The following PKD1L1 variants were observed in gnomAD, a reference collection of about 807,000 sequenced individuals.
PKD1L1 encodes polycystin 1 like 1, transient receptor potential channel interacting.
A neutral mutation model predicts 323.4 loss-of-function variants in PKD1L1; 236 were observed. The ratio of observed to expected loss-of-function variants is 0.73; its 90% CI spans 0.66 to 0.81. PKD1L1 has a LOEUF of 0.81. PKD1L1 is among the 40% of genes least tolerant of loss of function. The probability of loss-of-function intolerance (pLI) is 0.00; values close to 1 mark genes in which losing one functional copy is unlikely to be tolerated. For missense variants in PKD1L1, 3,320 were observed against 3,508.0 expected, an observed-to-expected ratio of 0.95 and a Z score of 1.35; for synonymous variants, 1,344 against 1,335.0, an observed-to-expected ratio of 1.01 and a Z score of -0.15.
the PKD1L1 span, among the ~76,000 whole-genome samples, chr7:47,958,998 T>A: frequency 6.6e-6 from 1 of 152,248 alleles, no homozygotes; most frequent in African/African-American, 2.4e-5. Flanking sequence ...GTTTTCGTAT[T>A]TTTTTGGTGG....
chr7:47,924,503 G>A (rs1787619982), intron 7 of PKD1L1, among the ~76,000 whole-genome samples: 2 of 152,158 alleles, frequency 1.3e-5, no homozygotes, highest in African/African-American at 2.4e-5. Flanking sequence ...CCTCAGTTAC[G>A]TGACTCTGGG....
chr7:47,944,331 T>C (rs927838039), intron 1 of PKD1L1, among the ~76,000 whole-genome samples: 3 of 152,318 alleles, frequency 2.0e-5, no homozygotes, highest in Admixed American at 2.0e-4. Context: ...TCCACCATGA[T>C]TGTAAGCTTC....
chr7:47,854,099 A>G (rs929037460), intron 30 of PKD1L1, among the ~76,000 whole-genome samples: 3 of 152,202 alleles, frequency 2.0e-5, no homozygotes, highest in Non-Finnish European at 4.4e-5. Flanking sequence ...CCACTTTTAG[A>G]CATCGAATGC....
chr7:47,814,024 G>T lies in PKD1L1; in HGVS notation c.7090-10C>A. 1 of 1,611,084 alleles carries T rather than the reference G, an allele frequency of 6.2e-7. No individual in the cohort carries two copies. Among genetic ancestry groups the T allele is most frequent in the Non-Finnish European group, 8.5e-7 (1 of 1,178,338 alleles). On this transcript the variant is annotated splice_polypyrimidine_tract_variant and intron_variant, in intron 47 of 56. Transcript: ENST00000289672. ...CTCCAAGAGCTCCAGGCTGAAAGGA[G>T]AAAAAAGATGATGAGGACTGGGTGT...
At chr7:47,938,045 A>G (rs1787905906) in intron 3 of PKD1L1, among the ~76,000 whole-genome samples, 1 of 152,100 alleles carries the variant, frequency 6.6e-6, no homozygotes, top group Admixed American at 6.5e-5. Flanking sequence ...CCCACTGTGG[A>G]CATGATTACA....
intron 20 of PKD1L1, 46 bp from the exon 21 acceptor site, chr7:47,880,851 A>C (rs1786537611): frequency 1.3e-6 from 2 of 1,512,272 alleles, no homozygotes; most frequent in Non-Finnish European, 1.8e-6. Context: ...CAGTGGTCTC[A>C]AGGACAGAGG....
Position 47,887,988 on chromosome 7 carries a change from A to C in PKD1L1, c.2836+2T>G, listed in dbSNP as rs1786720377. 6.2e-7 allele frequency: 1 copy of C among 1,603,228 alleles called. No individual in the cohort carries two copies. Among genetic ancestry groups the C allele is most frequent in the Admixed American group, 1.7e-5 (1 of 57,210 alleles). Reference sequence around the variant, plus strand: ...CAAAATAAAGCTATTAATCCTTTTTACCTTCTATCCTATTCTTTTCTGTTG... The same window carrying C: ...CAAAATAAAGCTATTAATCCTTTTTCCCTTCTATCCTATTCTTTTCTGTTG... On this transcript the variant is annotated splice_donor_variant, in intron 17 of 56. Transcript: ENST00000289672. LOFTEE classifies it high-confidence loss of function.
At chr7:47,937,266 G>A (rs1325952523) in intron 3 of PKD1L1, among the ~76,000 whole-genome samples, 1 of 136,744 alleles carries the variant, frequency 7.3e-6, no homozygotes, top group Non-Finnish European at 1.6e-5. Flanking sequence ...GGGTGGGGGG[G>A]GGGGGCGCGG....
At chr7:47,891,876 G>A (rs1307848579) in intron 15 of PKD1L1, among the ~76,000 whole-genome samples, 1 of 152,194 alleles carries the variant, frequency 6.6e-6, no homozygotes, top group East Asian at 1.9e-4. Context: ...ATGGCTAAGG[G>A]CTTTCCCAGA....
At chr7:47,827,123 C>T (rs1785252576) in intron 45 of PKD1L1, among the ~76,000 whole-genome samples, 1 of 152,238 alleles carries the variant, frequency 6.6e-6, no homozygotes, top group Non-Finnish European at 1.5e-5. Context: ...AATTGTGGAA[C>T]TGAGTTTTCT....
intron 56 of PKD1L1, among the ~76,000 whole-genome samples, chr7:47,786,535 G>A (rs1351700424): frequency 2.0e-5 from 3 of 152,118 alleles, no homozygotes; most frequent in Non-Finnish European, 1.5e-5. Context: ...AGGTGCTAAG[G>A]AATTACACTG....
upstream of PKD1L1, among the ~76,000 whole-genome samples, chr7:47,950,818 C>G (rs536582833): frequency 6.6e-6 from 1 of 152,182 alleles, no homozygotes; most frequent in African/African-American, 2.4e-5. Context: ...AGAACACCCT[C>G]GGGGCCAGCG....
chr7:47,875,977 C>T (rs1263816800), intron 23 of PKD1L1, 120 bp downstream of exon 23: 2 of 1,088,132 alleles, frequency 1.8e-6, no homozygotes, highest in African/African-American at 1.6e-5. Flanking sequence ...AACTGAAAAG[C>T]ATTAAACTGA....
chr7:47,949,500 G>A (rs892716877), upstream of PKD1L1, among the ~76,000 whole-genome samples: 3 of 151,832 alleles, frequency 2.0e-5, no homozygotes, highest in Non-Finnish European at 4.4e-5. Context: ...TCTGTCTTAC[G>A]GCAGAACCTA....
rs138821074 is a variant in PKD1L1, at chr7:47,847,034, G to T, written c.4998C>A (p.Asp1666Glu). 3.1e-6 allele frequency: 5 copies of T among 1,607,304 alleles called. No individual in the cohort carries two copies. Among genetic ancestry groups the T allele is most frequent in the Non-Finnish European group, 4.2e-6 (5 of 1,177,816 alleles). ...ATCTGTTTGGAGGTTTTCTGTCATA[G>T]TCAGCATCCAATAAGGATAAATAGC... The part of the protein sequence containing the change: ...SVGYLSLLDA[D>E]YDRKPPNRYL... Residue 1666 changes from aspartate to glutamate, a missense_variant, in exon 32 of 57, where the codon GAC becomes GAA. Asp to Glu is a conservative substitution (Grantham distance 45). Coordinates refer to ENST00000289672, the MANE Select transcript of PKD1L1 (RefSeq NM_138295.5).
intron 54 of PKD1L1, among the ~76,000 whole-genome samples, chr7:47,796,924 C>A (rs1362451383): frequency 6.7e-6 from 1 of 150,108 alleles, no homozygotes; most frequent in South Asian, 2.1e-4. Flanking sequence ...GGCGTGAATC[C>A]GGGAGGCGGA....
the PKD1L1 span, among the ~76,000 whole-genome samples, chr7:47,960,376 T>A: frequency 1.9e-3 from 40 of 21,148 alleles, no homozygotes; most frequent in African/African-American, 4.7e-3. Flanking sequence ...TAAAAAAAAA[T>A]TAAAAAAAAA....
chr7:47,818,901 C>T (rs1445409532), intron 46 of PKD1L1, among the ~76,000 whole-genome samples: 6 of 152,066 alleles, frequency 3.9e-5, no homozygotes, highest in African/African-American at 7.3e-5. Flanking sequence ...AATCCAAGAA[C>T]GCAATGACTA....
intron 1 of PKD1L1, among the ~76,000 whole-genome samples, chr7:47,945,417 T>A (rs560051869): frequency 7.9e-5 from 12 of 152,218 alleles, no homozygotes; most frequent in Admixed American, 2.0e-4. Context: ...ACGAGGACAA[T>A]ATTTATAGTT....
Sources: gnomAD v4.1 joint callset for allele counts (sites outside exome capture counted in the v4.1 genomes callset) on GRCh38, gnomAD v4.1.1 for gene constraint, MANE v1.5 for transcripts, NCBI Gene and HGNC (gene_info 2026-07-23, HGNC 2026-07-21) for gene names.